The following ALMS1 variants were observed in gnomAD, a reference collection of about 807,000 sequenced individuals.
ALMS1 encodes ALMS1 centrosome and basal body associated protein.
In ALMS1, 271 loss-of-function variants were observed where a neutral mutation model predicts 352.2. The ratio of observed to expected loss-of-function variants is 0.77; its 90% confidence interval spans 0.70 to 0.85. The LOEUF (loss-of-function observed/expected upper bound fraction) is 0.85. Ranked by LOEUF, ALMS1 falls within the 40% of genes least tolerant of loss-of-function variation. The pLI, the probability that ALMS1 is intolerant of heterozygous loss-of-function variation, is 0.00. For missense variants in ALMS1, 5,445 were observed against 4,870.7 expected (o/e 1.12, Z -3.51); for synonymous variants, 1,865 against 1,761.2 (o/e 1.06, Z -1.48).
chr2:73,415,458 T>G (rs141233241), intron 2 of ALMS1, among the ~76,000 whole-genome samples: 2 of 151,996 alleles, frequency 1.3e-5, no homozygotes, highest in East Asian at 3.9e-4. Flanking sequence ...AGAGGCAGAG[T>G]GACTTTTTTT....
intron 12 of ALMS1, 80 bp from the exon 13 acceptor site, chr2:73,550,187 T>G (rs1674399923): frequency 6.5e-7 from 1 of 1,532,002 alleles, no homozygotes; most frequent in Non-Finnish European, 9.0e-7. Context: ...AGAATTGGTC[T>G]AAGAGGCAAA....
chr2:73,440,899 A>T (rs1009289861), intron 7 of ALMS1, among the ~76,000 whole-genome samples: 7 of 152,214 alleles, frequency 4.6e-5, no homozygotes, highest in African/African-American at 1.7e-4. Context: ...TGGCCTATTT[A>T]TGTGGCTGTG....
chr2:73,467,226 C>T (rs1010082804), intron 9 of ALMS1, among the ~76,000 whole-genome samples: 5 of 151,994 alleles, frequency 3.3e-5, no homozygotes, highest in Admixed American at 6.6e-5. Flanking sequence ...GAGGGTATTT[C>T]GGATACATAT....
At chr2:73,607,266 C>T (rs1030202527) in intron 21 of ALMS1, among the ~76,000 whole-genome samples, 1 of 152,112 alleles carries the variant, frequency 6.6e-6, no homozygotes, top group Non-Finnish European at 1.5e-5. Flanking sequence ...AATTCTGAAA[C>T]TTTTGTTTGG....
chr2:73,539,654 A>G (rs545395343), intron 12 of ALMS1, among the ~76,000 whole-genome samples: 22 of 152,332 alleles, frequency 1.4e-4, no homozygotes, highest in Non-Finnish European at 2.1e-4. Context: ...GGCTAACTAG[A>G]ATAACCAATG....
At chr2:73,534,735 A>C in intron 11 of ALMS1, 89 bp from the exon 12 acceptor site, 2 of 1,420,658 alleles carry the variant, frequency 1.4e-6, no homozygotes, top group Non-Finnish European at 2.0e-6. Context: ...AGTCATGAAC[A>C]CTGCCTGAAA....
At chr2:73,547,976 AGCGTGAAAAAAATGTCTG>A in intron 12 of ALMS1, among the ~76,000 whole-genome samples, 1 of 152,110 alleles carries the variant, frequency 6.6e-6, no homozygotes, top group East Asian at 1.9e-4. Context: ...GAGGGAGAAG[AGCGTGAAAAAAATGTCTG>A]GCGTGAGCAA....
At chr2:73,425,784 GT>G (rs1671366209) in intron 5 of ALMS1, among the ~76,000 whole-genome samples, 1 of 152,160 alleles carries the variant, frequency 6.6e-6, no homozygotes, top group Non-Finnish European at 1.5e-5. Context: ...CTCCTGGGGT[GT>G]TTGAACCAGC....
Position 73,414,479 on chromosome 2 carries a change from T to TTTTTTTGG in ALMS1, c.451-4638_451-4637insGGTTTTTT, listed in dbSNP as rs1558635497. Among the ~76,000 whole-genome samples, 23 of 91,750 alleles carry TTTTTTTGG rather than the reference T, an allele frequency of 2.5e-4. 1 individual carries two copies. Among genetic ancestry groups the TTTTTTTGG allele is most frequent in the East Asian group, 5.1e-4 (1 of 1,970 alleles). The allele number at this position is 91,750 out of a possible 152,430, so 60.2% of individuals were successfully genotyped here. Reference sequence around the variant, plus strand: ...ATGTCATTTCTTTTTTTCCGTTTTTTTTTTTTTTTGTTTTTTTTTTGCTTT... The same window carrying TTTTTTTGG: ...ATGTCATTTCTTTTTTTCCGTTTTTTTTTTTTGGTTTTTTTTTGTTTTTTTTTTGCTTT... On this transcript the variant is annotated intron_variant, in intron 2 of 22. Transcript: ENST00000613296.
chr2:73,477,598 C>T (rs1482646847), intron 9 of ALMS1, among the ~76,000 whole-genome samples: 2 of 151,892 alleles, frequency 1.3e-5, no homozygotes, highest in Non-Finnish European at 2.9e-5. Context: ...AAGTATTAAT[C>T]TTTCAGTCCA....
At chr2:73,426,860 G>A (rs1288539878) in intron 6 of ALMS1, among the ~76,000 whole-genome samples, 3 of 152,048 alleles carry the variant, frequency 2.0e-5, no homozygotes, top group African/African-American at 7.2e-5. Context: ...TGTTTTATTT[G>A]AAAAATTTCC....
In ALMS1 at chr2:73,424,414, A is replaced by G. The variant is rs765256601; in HGVS notation, c.765-16A>G. The G allele has an allele frequency of 6.2e-6, 9 of 1,453,566 alleles. No individual in the cohort carries two copies. Among genetic ancestry groups the G allele is most frequent in the South Asian group, 1.4e-5 (1 of 70,250 alleles). 90.0% of individuals were successfully genotyped at this position (1,453,566 alleles called of 1,614,324 possible). The stretch of plus-strand genomic sequence containing the variant: ...TAATGTTATTTATTTATTTATTTTT[A>G]ACTATATATTTTCAGGGGAATTCCT... On this transcript the variant is annotated splice_polypyrimidine_tract_variant and intron_variant, in intron 4 of 22. Coordinates refer to ENST00000613296, the MANE Select transcript of ALMS1 (RefSeq NM_001378454.1).
At position 73,573,008 on chromosome 2, in the gene ALMS1, A is replaced by C. The variant is rs1262388667; in HGVS notation, c.11131A>C (p.Ile3711Leu). 2 of 1,614,078 alleles carry C rather than the reference A, an allele frequency of 1.2e-6. No individual in the cohort carries two copies. The highest frequency in any genetic ancestry group is 1.6e-4 in the Middle Eastern group (1 of 6,062). Residue 3711 changes from isoleucine to leucine, a missense_variant, in exon 16 of 23, where the codon ATT becomes CTT. Transcript: ENST00000613296. ...AGCTGGGAGGTCTAATCAAATTAAA[A>C]TTGAACAGATTAAATTTGATAAATA... ...HRAGRSNQIK[I>L]EQIKFDKYIL...
At chr2:73,457,111 A>G (rs1460389061) in intron 9 of ALMS1, 1 of 152,220 alleles carries the variant, frequency 6.6e-6, no homozygotes, top group African/African-American at 2.4e-5. Flanking sequence ...AAAAAAAACC[A>G]TGTACTGCTT....
Position 73,453,891 on chromosome 2 carries a change from G to C in ALMS1, c.7364G>C (p.Ser2455Thr). The C allele has an allele frequency of 6.2e-7, 1 of 1,614,144 alleles. No homozygotes were observed. Among genetic ancestry groups the C allele is most frequent in the East Asian group, 2.2e-5 (1 of 44,886 alleles). Reference sequence around the variant, plus strand: ...TTTCCATATGTTTCACCCAAGACAAGTATAACAGATAGCAGGGAGGAAGAG... The same window carrying C: ...TTTCCATATGTTTCACCCAAGACAACTATAACAGATAGCAGGGAGGAAGAG... ...NFFPYVSPKTSITDSREEEGV... is the reference protein window; with the variant it reads ...NFFPYVSPKTTITDSREEEGV... Residue 2455 changes from serine (S) to threonine (T), a missense_variant, in exon 8 of 23, where the codon AGT becomes ACT. Transcript: ENST00000613296.
At position 73,452,386 on chromosome 2, in the gene ALMS1, G is replaced by C; in HGVS notation, c.5859G>C (p.Gln1953His). ...RREKPSVISQ[Q>H]ELPDSHLTEE... ...AGAAGCCCAGTGTTATCTCTCAACA[G>C]GAGTTGCCAGACAGTCATCTCACAG... The change falls in exon 8 of 23, where the codon CAG (glutamine) becomes CAC (histidine). Residue 1953 changes from glutamine to histidine, a missense_variant. By Grantham distance (24) the Gln-to-His change is conservative (BLOSUM62 0). Coordinates refer to ENST00000613296, the MANE Select transcript of ALMS1 (RefSeq NM_001378454.1). 1.2e-6 allele frequency: 2 copies of C among 1,613,738 alleles called. No individual in the cohort carries two copies. Among genetic ancestry groups the C allele is most frequent in the African/African-American group, 2.7e-5 (2 of 74,914 alleles).
intron 10 of ALMS1, among the ~76,000 whole-genome samples, chr2:73,510,915 G>A (rs1673437989): frequency 1.3e-5 from 2 of 152,196 alleles, no homozygotes; most frequent in Non-Finnish European, 2.9e-5. Flanking sequence ...GCCCTGCCCA[G>A]AGAGGAGGAA....
intron 9 of ALMS1, among the ~76,000 whole-genome samples, chr2:73,456,342 T>G (rs1672058703): frequency 6.6e-6 from 1 of 152,226 alleles, no homozygotes; most frequent in African/African-American, 2.4e-5. Flanking sequence ...TCCTTATTAC[T>G]GTACAGTATT....
At chr2:73,426,591 C>T in intron 6 of ALMS1, 38 bp downstream of exon 6, 1 of 1,584,806 alleles carries the variant, frequency 6.3e-7, no homozygotes, top group South Asian at 1.1e-5. Flanking sequence ...AGAAACGTGG[C>T]CTTTTTCAGT....
Sources: allele counts gnomAD v4.1 joint callset (sites outside exome capture counted in the v4.1 genomes callset), GRCh38; gene constraint gnomAD v4.1.1; transcripts MANE v1.5; gene names NCBI Gene and HGNC (gene_info 2026-07-23, HGNC 2026-07-21).